MED12L: variants seen among roughly 807,000 people sequenced by gnomAD.
The protein encoded by MED12L is mediator of RNA polymerase II transcription subunit 12-like protein.
In MED12L, 60 loss-of-function variants were observed where a neutral mutation model predicts 281.3. The observed-to-expected ratio is 0.21, with a 90% CI of 0.17 to 0.26. MED12L has a LOEUF of 0.26. Among genes scored for constraint, MED12L ranks in the 10% least tolerant of loss-of-function variants. The pLI is 1.00. For synonymous variants in MED12L, 974 were observed against 987.2 expected (o/e 0.99, Z 0.25); for missense variants, 2,146 against 2,680.9 (o/e 0.80, Z 4.41).
chr3:151,240,746 G>T (rs913692051), intron 16 of MED12L, among the ~76,000 whole-genome samples: 1 of 152,180 alleles, frequency 6.6e-6, no homozygotes, highest in Non-Finnish European at 1.5e-5. Flanking sequence ...GACCAGTTTT[G>T]TGCACTCTTG....
chr3:151,225,268 G>T (rs769624158), intron 16 of MED12L, among the ~76,000 whole-genome samples: 10 of 152,092 alleles, frequency 6.6e-5, no homozygotes, highest in Non-Finnish European at 1.3e-4. Context: ...TCCTTCTTCT[G>T]CTTAGCTCCT....
At position 151,360,494 on chromosome 3, in the gene MED12L, A is replaced by T; in HGVS notation, c.2846A>T (p.His949Leu). The change falls in exon 21 of 45, where the codon CAT becomes CTT. Residue 949 changes from histidine (H) to leucine (L), a missense_variant. His to Leu is a moderately conservative substitution (Grantham distance 99). Coordinates refer to ENST00000687756, the MANE Select transcript of MED12L (RefSeq NM_001393769.1). ...CTCAGGTTGTGTGGTGTGGTCAAGCATGTCGTAAACCCCTCAGAATGTTCT... is the reference window on the plus strand; with the variant it reads ...CTCAGGTTGTGTGGTGTGGTCAAGCTTGTCGTAAACCCCTCAGAATGTTCT... Reference protein sequence around the residue: ...VFEGLCGVVKHVVNPSECSSP... With the variant: ...VFEGLCGVVKLVVNPSECSSP... The T allele has an allele frequency of 6.2e-7, 1 of 1,612,730 alleles. No individual in the cohort carries two copies. Among genetic ancestry groups the T allele is most frequent in the Non-Finnish European group, 8.5e-7 (1 of 1,179,056 alleles).
chr3:151,335,928 C>T (rs915445443), intron 16 of MED12L, among the ~76,000 whole-genome samples: 10 of 152,134 alleles, frequency 6.6e-5, no homozygotes, highest in Non-Finnish European at 1.3e-4. Flanking sequence ...TTTATTTCAT[C>T]TCTTGTGGAA....
chr3:151,257,632 A>G (rs1738076066), intron 16 of MED12L, among the ~76,000 whole-genome samples: 2 of 152,242 alleles, frequency 1.3e-5, no homozygotes, highest in African/African-American at 4.8e-5. Context: ...ATTATTTCGT[A>G]TATGGAGAAC....
At chr3:151,182,079 G>T (rs1722768309) in intron 11 of MED12L, among the ~76,000 whole-genome samples, 1 of 152,112 alleles carries the variant, frequency 6.6e-6, no homozygotes, top group African/African-American at 2.4e-5. Flanking sequence ...CTAAAGGAGT[G>T]AAGATTATAT....
chr3:151,177,998 C>G (rs1722260897), intron 11 of MED12L, among the ~76,000 whole-genome samples: 1 of 151,588 alleles, frequency 6.6e-6, no homozygotes, highest in Admixed American at 6.6e-5. Context: ...TCTCATTCAC[C>G]TGTTATTTAA....
chr3:151,320,142 G>C (rs140966301), intron 16 of MED12L, among the ~76,000 whole-genome samples: 14 of 152,154 alleles, frequency 9.2e-5, no homozygotes, highest in African/African-American at 1.2e-4. Flanking sequence ...TGTGGACCTG[G>C]GGACAGTGTT....
chr3:151,431,856 A>C (rs773529602), intron 44 of MED12L, among the ~76,000 whole-genome samples: 3 of 152,158 alleles, frequency 2.0e-5, no homozygotes, highest in Non-Finnish European at 2.9e-5. Flanking sequence ...ACCCTGTGAG[A>C]TTATGTATTA....
intron 16 of MED12L, chr3:151,294,207 A>G: frequency 6.2e-7 from 1 of 1,611,622 alleles, no homozygotes; most frequent in South Asian, 1.1e-5. Context: ...CGAACTTCCG[A>G]TCTTCTCACA....
intron 3 of MED12L, among the ~76,000 whole-genome samples, chr3:151,120,847 A>C (rs1713646831): frequency 6.6e-6 from 1 of 152,124 alleles, no homozygotes; most frequent in African/African-American, 2.4e-5. Flanking sequence ...TGGAGCCCTA[A>C]TGTGTATTTT....
At chr3:151,196,581 C>G (rs779321521) in intron 16 of MED12L, among the ~76,000 whole-genome samples, 1 of 152,068 alleles carries the variant, frequency 6.6e-6, no homozygotes, top group Non-Finnish European at 1.5e-5. Context: ...CTTGATCTGC[C>G]CATTAGTGAA....
At chr3:151,199,075 G>T in intron 16 of MED12L, 1 of 1,613,904 alleles carries the variant, frequency 6.2e-7, no homozygotes, top group Non-Finnish European at 8.5e-7. Context: ...CAAATGCTAA[G>T]AAGATAATTG....
chr3:151,097,706 G>T (rs933126887), intron 2 of MED12L, among the ~76,000 whole-genome samples: 6 of 152,174 alleles, frequency 3.9e-5, no homozygotes, highest in African/African-American at 1.4e-4. Context: ...ACAACTGGGT[G>T]TGTGTCTTGG....
chr3:151,213,665 G>A, intron 16 of MED12L: 2 of 1,614,130 alleles, frequency 1.2e-6, no homozygotes, highest in Non-Finnish European at 1.7e-6. Flanking sequence ...CTTGACTTAA[G>A]GTGGGACTTA....
At chr3:151,214,081 A>C (rs760361672) in intron 16 of MED12L, 1 of 1,614,188 alleles carries the variant, frequency 6.2e-7, no homozygotes, top group Non-Finnish European at 8.5e-7. Flanking sequence ...TGAGTCACCA[A>C]GGATCTTGAA....
chr3:151,426,278 A>T (rs1718864394), intron 43 of MED12L, among the ~76,000 whole-genome samples: 1 of 152,210 alleles, frequency 6.6e-6, no homozygotes, highest in African/African-American at 2.4e-5. Context: ...CGGGAGGATA[A>T]TCCTTTAAAT....
chr3:151,213,003 C>T, intron 16 of MED12L: 1 of 172,420 alleles, frequency 5.8e-6, no homozygotes, highest in Non-Finnish European at 1.2e-5. Context: ...ATTAACTGAC[C>T]AGACTAGTGG....
At chr3:151,151,130 G>A (rs915471475) in intron 5 of MED12L, among the ~76,000 whole-genome samples, 27 of 142,196 alleles carry the variant, frequency 1.9e-4, no homozygotes, top group African/African-American at 5.5e-4. Flanking sequence ...TCCACGTCCC[G>A]GGGTTCACGC....
rs1451919132 is a variant in MED12L, at chr3:151,365,165, T to C, written c.3144T>C (p.Asn1048=). The change falls in exon 22 of 45, where the codon AAT becomes AAC. Residue 1048 remains asparagine, a synonymous_variant. Coordinates refer to ENST00000687756, the MANE Select transcript of MED12L (RefSeq NM_001393769.1). ...CCAATCGCTACAGCTTTGTCTGCAA[T>C]ACACTCATGAATGTATGTATGGGCC... ...NAANRYSFVC[N]TLMNVCMGHQ... 3 of 1,614,088 alleles carry C rather than the reference T, an allele frequency of 1.9e-6. No homozygotes were observed. The South Asian group carries it at 3.3e-5, about 18-fold the overall frequency.
Sources: gnomAD v4.1 joint callset for allele counts (sites outside exome capture counted in the v4.1 genomes callset) on GRCh38, gnomAD v4.1.1 for gene constraint, MANE v1.5 for transcripts, NCBI Gene and HGNC (gene_info 2026-07-23, HGNC 2026-07-21) for gene names.